The following CHD5 variants were observed in gnomAD, a reference collection of about 807,000 sequenced individuals.
CHD5 encodes the protein ATP-dependent chromatin remodeler CHD5.
Under a neutral mutation model 230.3 loss-of-function variants are expected in CHD5, and 69 were observed. The ratio of observed to expected loss-of-function variants is 0.30; its 90% CI spans 0.25 to 0.37. CHD5 has a LOEUF of 0.37. CHD5 is among the 10% of genes least tolerant of loss of function. The pLI, the probability that CHD5 is intolerant of heterozygous loss-of-function variation, is 1.00. For synonymous variants in CHD5, 1,064 were observed against 1,065.9 expected (o/e 1.00, Z 0.03); for missense variants, 1,827 against 2,622.8 (o/e 0.70, Z 6.63).
chr1:6,129,117 G>T lies in CHD5; in HGVS notation c.3388-48C>A. ...ACCCGTGGCTCACCCAGGGCTCCAG[G>T]CAATGGAGGAGATCACACCCATGAG... On this transcript the variant is annotated intron_variant, in intron 22 of 41. Transcript: ENST00000262450. This position sits in a 1 kb window ranked among gnomAD's most constrained non-coding sequence, Gnocchi z 6.8. 7.5e-7 allele frequency: 1 copy of T among 1,339,264 alleles called. No individual in the cohort carries two copies. 83.0% of individuals were successfully genotyped at this position (1,339,264 alleles called of 1,614,324 possible).
intron 6 of CHD5, 48 bp downstream of exon 6, chr1:6,152,364 A>G (rs377741376): frequency 1.8e-5 from 29 of 1,580,578 alleles, no homozygotes; most frequent in Non-Finnish European, 2.3e-5. Context: ...ATGTGCAGAC[A>G]CACATGCATG....
Position 6,146,205 on chromosome 1 carries a change from C to T in CHD5, c.1802+7G>A, listed in dbSNP as rs768243610. 2 of 1,613,628 alleles carry T rather than the reference C, an allele frequency of 1.2e-6. No individual in the cohort carries two copies. Among genetic ancestry groups the T allele is most frequent in the Admixed American group, 1.7e-5 (1 of 60,000 alleles). ...GATGGGCAGGGTGGCCGCCTGCAGG[C>T]ACACACCTATGGTTCAGGATTCGGT... On this transcript the variant is annotated splice_region_variant and intron_variant, in intron 11 of 41. Transcript: ENST00000262450. This position sits in a 1 kb window ranked among gnomAD's most constrained non-coding sequence, Gnocchi z 5.1.
intron 2 of CHD5, among the ~76,000 whole-genome samples, chr1:6,166,757 G>A (rs1667262260): frequency 6.6e-6 from 1 of 152,090 alleles, no homozygotes; most frequent in Non-Finnish European, 1.5e-5. Flanking sequence ...CGAAGGCAGG[G>A]ACCCTCGCCC....
At chr1:6,143,684 A>G (rs1433195101) in intron 13 of CHD5, 139 bp downstream of exon 13, 2 of 740,310 alleles carry the variant, frequency 2.7e-6, no homozygotes, top group African/African-American at 1.7e-5. Context: ...CCTAGCCTAC[A>G]TGGGCATGAC....
rs1003839755 is a variant in CHD5, at chr1:6,102,762, G to A, written c.*2712C>T. 3.2e-5 allele frequency: 4 copies of A among 125,046 alleles called. No individual in the cohort carries two copies. Among genetic ancestry groups the A allele is most frequent in the East Asian group, 4.7e-4 (1 of 2,118 alleles). The allele number at this position is 125,046 out of a possible 1,614,324, so 7.7% of individuals were successfully genotyped here. ...GGCAGGGAAAGTCCAGCCTGCCCCTGGGGGAAGCCAAGTTTGCAAAAAACG... is the reference window on the plus strand; with the variant it reads ...GGCAGGGAAAGTCCAGCCTGCCCCTAGGGGAAGCCAAGTTTGCAAAAAACG... On this transcript the variant is annotated 3_prime_UTR_variant, in exon 42 of 42. Transcript: ENST00000262450.
chr1:6,140,967 AAATAAT>A (rs60543576), intron 15 of CHD5, among the ~76,000 whole-genome samples: 62 of 139,780 alleles, frequency 4.4e-4, no homozygotes, highest in East Asian at 1.1e-3. Flanking sequence ...CCCTGTCTCA[AAATAAT>A]AATAATAATA....
intron 1 of CHD5, among the ~76,000 whole-genome samples, chr1:6,179,685 G>C (rs1667482994): frequency 1.3e-5 from 2 of 148,464 alleles, no homozygotes; most frequent in African/African-American, 2.4e-5. Flanking sequence ...CCTCTGGCCC[G>C]CCTGGCCCGC....
At position 6,168,131 on chromosome 1, in the gene CHD5, C is replaced by G. The variant is rs745794699; in HGVS notation, c.207+19G>C. Reference sequence around the variant, plus strand: ...ACCCCACCCGCCCCAAGCTCGCCGGCGCAGGTGCTGCCCCTCACCTCTTTC... The same window carrying G: ...ACCCCACCCGCCCCAAGCTCGCCGGGGCAGGTGCTGCCCCTCACCTCTTTC... On this transcript the variant is annotated intron_variant, in intron 2 of 41. Coordinates refer to ENST00000262450, the MANE Select transcript of CHD5 (RefSeq NM_015557.3). 1.3e-6 allele frequency: 2 copies of G among 1,587,992 alleles called. No individual in the cohort carries two copies. The highest frequency in any genetic ancestry group is 4.5e-5 in the East Asian group (2 of 44,204).
intron 13 of CHD5, among the ~76,000 whole-genome samples, chr1:6,143,482 A>G (rs1666861806): frequency 6.6e-6 from 1 of 151,760 alleles, no homozygotes; most frequent in African/African-American, 2.4e-5. Flanking sequence ...AAGGGCCCCT[A>G]GAAGACAGTG....
intron 33 of CHD5, among the ~76,000 whole-genome samples, chr1:6,119,183 G>A (rs369380861): frequency 1.3e-5 from 2 of 151,552 alleles, no homozygotes; most frequent in Admixed American, 6.6e-5. Flanking sequence ...ATCTCGCTCT[G>A]TCACCCAGGC....
At chr1:6,152,029 C>T (rs544093442) in intron 6 of CHD5, among the ~76,000 whole-genome samples, 3 of 151,964 alleles carry the variant, frequency 2.0e-5, no homozygotes, top group East Asian at 1.9e-4. Flanking sequence ...AACTACTCCC[C>T]CCGAGAGCAG....
At position 6,159,143 on chromosome 1, in the gene CHD5, G is replaced by A. The variant is rs570112291; in HGVS notation, c.387+193C>T. ...CCAGCTACTCGGGAGGCTGAGGCAG[G>A]AGAATTGCTTGAACCTGGGAGGCGG... On this transcript the variant is annotated intron_variant, in intron 3 of 41. Coordinates refer to ENST00000262450, the MANE Select transcript of CHD5 (RefSeq NM_015557.3). Among the ~76,000 whole-genome samples the A allele has an allele frequency of 3.3e-5, 5 of 152,122 alleles. No individual in the cohort carries two copies. In the South Asian group the frequency reaches 1.0e-3, roughly 32 times the overall value.
intron 9 of CHD5, among the ~76,000 whole-genome samples, chr1:6,147,532 C>T (rs1385527072): frequency 1.3e-5 from 2 of 152,214 alleles, no homozygotes; most frequent in East Asian, 3.8e-4. Context: ...CCACACCACT[C>T]GGGCCCTGAG....
intron 36 of CHD5, 57 bp from the exon 37 acceptor site, chr1:6,110,583 G>A: frequency 6.3e-7 from 1 of 1,584,062 alleles, no homozygotes; most frequent in South Asian, 1.1e-5. Flanking sequence ...GGGCCGTAGG[G>A]GGAGGCAGCT....
At chr1:6,119,260 G>A (rs1021620798) in intron 33 of CHD5, among the ~76,000 whole-genome samples, 7 of 151,788 alleles carry the variant, frequency 4.6e-5, no homozygotes, top group African/African-American at 7.3e-5. Context: ...CACCATGCCC[G>A]GCTAACTTTT....
intron 2 of CHD5, among the ~76,000 whole-genome samples, chr1:6,164,891 A>G (rs747714086): frequency 6.0e-4 from 91 of 152,204 alleles, no homozygotes; most frequent in Non-Finnish European, 8.8e-4. Context: ...AGGGAGAGAA[A>G]TGAGGGTACA....
chr1:6,161,645 C>T (rs1016683664), intron 2 of CHD5, among the ~76,000 whole-genome samples: 1 of 152,206 alleles, frequency 6.6e-6, no homozygotes, highest in African/African-American at 2.4e-5. Context: ...CTCCCAAGCT[C>T]GGCCTCGGTC....
intron 20 of CHD5, among the ~76,000 whole-genome samples, chr1:6,132,230 C>T (rs748393095): frequency 2.0e-5 from 3 of 152,158 alleles, no homozygotes; most frequent in Non-Finnish European, 4.4e-5. Context: ...CCCATGACCC[C>T]GTATAATTCC....
intron 38 of CHD5, among the ~76,000 whole-genome samples, chr1:6,109,414 C>G (rs1318116191): frequency 6.6e-6 from 1 of 152,232 alleles, no homozygotes; most frequent in African/African-American, 2.4e-5. Flanking sequence ...CAAACTACTT[C>G]CCTTCCCACA....
Sources: allele counts gnomAD v4.1 joint callset (sites outside exome capture counted in the v4.1 genomes callset), GRCh38; gene constraint gnomAD v4.1.1; non-coding constraint Gnocchi (gnomAD v3.1); transcripts MANE v1.5; gene names NCBI Gene and HGNC (gene_info 2026-07-23, HGNC 2026-07-21).